Variants in RFX3 observed in about 807,000 individuals in gnomAD.
The protein encoded by RFX3 is transcription factor RFX3.
RFX3 carries 14 observed loss-of-function variants against 98.6 expected under a neutral mutation model. The observed-to-expected ratio is 0.14, with a 90% CI of 0.09 to 0.22. The LOEUF (loss-of-function observed/expected upper bound fraction) is 0.22, where lower values mean the gene tolerates loss of function less well. Among genes scored for constraint, RFX3 ranks in the 10% least tolerant of loss-of-function variants. The pLI is 1.00. For synonymous variants in RFX3, 383 were observed against 328.4 expected, an observed-to-expected ratio of 1.17 and a Z score of -1.80; for missense variants, 639 against 926.9, an observed-to-expected ratio of 0.69 and a Z score of 4.03.
rs189295569 is a variant in RFX3 at position 3,240,154 on chromosome 9, G to C, written c.1968+7878C>G. Among the ~76,000 whole-genome samples, 86 of 152,336 alleles carry C rather than the reference G, an allele frequency of 5.6e-4. No homozygotes were observed. The South Asian group carries it at 0.012, about 21-fold the overall frequency. ...TCTGGTATGGAACTCAGGGGAGACA[G>C]AATTTCAAATCCAAACTCAGCCTTC... On this transcript the variant is annotated intron_variant, in intron 15 of 16. Coordinates refer to ENST00000617270, the MANE Select transcript of RFX3 (RefSeq NM_001282116.2).
At chr9:3,376,776 G>A (rs1838559717) in intron 2 of RFX3, among the ~76,000 whole-genome samples, 1 of 152,080 alleles carries the variant, frequency 6.6e-6, no homozygotes, top group South Asian at 2.1e-4. Flanking sequence ...ATCAAAAAGT[G>A]GGCAAAGGAC....
chr9:3,346,877 T>C, intron 2 of RFX3, 113 bp from the exon 3 acceptor site: 1 of 699,018 alleles, frequency 1.4e-6, no homozygotes, highest in African/African-American at 1.8e-5. Context: ...TGAGAAAGAC[T>C]GATAAGAAAA....
Position 3,301,536 on chromosome 9 carries a change from G to C in RFX3, c.549+10C>G. ...AAGAGATTAGTGTACATGAAGAAGAGGCAACTTACATGGCTGTTGAGAAGA... is the reference window on the plus strand; with the variant it reads ...AAGAGATTAGTGTACATGAAGAAGACGCAACTTACATGGCTGTTGAGAAGA... On this transcript the variant is annotated intron_variant, in intron 5 of 16. Transcript: ENST00000617270. The C allele has an allele frequency of 1.3e-6, 2 of 1,588,942 alleles. No individual in the cohort carries two copies. Among genetic ancestry groups the C allele is most frequent in the Non-Finnish European group, 8.6e-7 (1 of 1,160,912 alleles).
intron 1 of RFX3, among the ~76,000 whole-genome samples, chr9:3,408,601 C>G (rs968328680): frequency 2.6e-5 from 4 of 151,288 alleles, no homozygotes; most frequent in African/African-American, 9.8e-5. Flanking sequence ...CTGTCTCTCT[C>G]TCTCTCTCTC....
At chr9:3,336,525 G>A (rs377032073) in intron 3 of RFX3, among the ~76,000 whole-genome samples, 54 of 152,154 alleles carry the variant, frequency 3.5e-4, no homozygotes, top group African/African-American at 1.2e-3. Context: ...AAGATGAAAA[G>A]GAGTCAGCCC....
chr9:3,331,959 G>T (rs1832652506), intron 3 of RFX3, among the ~76,000 whole-genome samples: 1 of 152,114 alleles, frequency 6.6e-6, no homozygotes, highest in Non-Finnish European at 1.5e-5. Context: ...CGTATGATGA[G>T]ATTCCATTCC....
At chr9:3,322,824 C>T (rs1831465162) in intron 4 of RFX3, among the ~76,000 whole-genome samples, 1 of 152,278 alleles carries the variant, frequency 6.6e-6, no homozygotes, top group South Asian at 2.1e-4. Flanking sequence ...TTATCAAGTA[C>T]ACAATCACAT....
At chr9:3,503,259 G>T (rs1816248274) in intron 1 of RFX3, among the ~76,000 whole-genome samples, 1 of 152,078 alleles carries the variant, frequency 6.6e-6, no homozygotes, top group Non-Finnish European at 1.5e-5. Context: ...GGCCTTTCAG[G>T]ATAGAAACCT....
chr9:3,330,627 C>G, intron 3 of RFX3, 110 bp from the exon 4 acceptor site: 1 of 1,021,894 alleles, frequency 9.8e-7, no homozygotes, highest in Non-Finnish European at 1.4e-6. Context: ...GCCTTTGCAA[C>G]ATGGCAAGTT....
At chr9:3,232,925 C>G (rs1378624838) in intron 15 of RFX3, among the ~76,000 whole-genome samples, 2 of 152,084 alleles carry the variant, frequency 1.3e-5, no homozygotes, top group African/African-American at 4.8e-5. Flanking sequence ...TAAAAGTACT[C>G]TGGAGTTAGA....
chr9:3,254,227 G>T (rs1328431482), intron 14 of RFX3, among the ~76,000 whole-genome samples: 3 of 151,000 alleles, frequency 2.0e-5, no homozygotes, highest in African/African-American at 7.3e-5. Flanking sequence ...CTGTGGAGAT[G>T]AAGGCTCCAG....
At chr9:3,247,261 T>G in intron 15 of RFX3, 3 of 986,746 alleles carry the variant, frequency 3.0e-6, no homozygotes, top group Non-Finnish European at 3.6e-6. Flanking sequence ...CCTTGTTATA[T>G]TCAGAGTTTA....
At chr9:3,480,908 T>C (rs532763086) in intron 1 of RFX3, among the ~76,000 whole-genome samples, 1 of 152,244 alleles carries the variant, frequency 6.6e-6, no homozygotes, top group Non-Finnish European at 1.5e-5. Context: ...GTAAGTATAA[T>C]CAACCTAGCT....
chr9:3,461,944 G>C (rs1847724447), intron 1 of RFX3, among the ~76,000 whole-genome samples: 1 of 151,878 alleles, frequency 6.6e-6, no homozygotes, highest in Non-Finnish European at 1.5e-5. Flanking sequence ...TACATATTAA[G>C]ATATTTCTTA....
In RFX3 at chr9:3,333,435, G is replaced by GTTTT. The variant is rs774597966; in HGVS notation, c.216-2922_216-2919dup. Among the ~76,000 whole-genome samples, 6 of 109,398 alleles carry GTTTT rather than the reference G, an allele frequency of 5.5e-5. No homozygotes were observed. The South Asian group carries it at 8.9e-4, about 16-fold the overall frequency. 71.8% of individuals were successfully genotyped at this position (109,398 alleles called of 152,430 possible). ...TGATAGAAACAAATTCATAGAAAAT[G>GTTTT]TTTTTTTTTTTTTTTTTCCAGATAG... On this transcript the variant is annotated intron_variant, in intron 3 of 16. Transcript: ENST00000617270.
chr9:3,399,065 G>C (rs558021467), intron 1 of RFX3, among the ~76,000 whole-genome samples: 1 of 151,640 alleles, frequency 6.6e-6, no homozygotes, highest in Admixed American at 6.6e-5. Flanking sequence ...CTCCCCACTC[G>C]GGTTTTGTTT....
chr9:3,281,948 ATCCTT>A (rs1318635472), intron 7 of RFX3, among the ~76,000 whole-genome samples: 1 of 151,826 alleles, frequency 6.6e-6, no homozygotes, highest in African/African-American at 2.4e-5. Flanking sequence ...CATTTGGAAA[ATCCTT>A]TCAAAGTGGC....
intron 1 of RFX3, among the ~76,000 whole-genome samples, chr9:3,404,650 T>G (rs896934016): frequency 6.6e-6 from 1 of 152,162 alleles, no homozygotes; most frequent in African/African-American, 2.4e-5. Context: ...CTAGGTTTAT[T>G]ATAATGCTCA....
In RFX3 at chr9:3,378,545, T is replaced by C. The variant is rs540695333; in HGVS notation, c.117+16927A>G. Reference sequence around the variant, plus strand: ...AATTCTAACACTTCTTTCTCATATTTTTTTTCTTTCTTTTTTTTTTTTTTT... The same window carrying C: ...AATTCTAACACTTCTTTCTCATATTCTTTTTCTTTCTTTTTTTTTTTTTTT... On this transcript the variant is annotated intron_variant, in intron 2 of 16. Coordinates refer to ENST00000617270, the MANE Select transcript of RFX3 (RefSeq NM_001282116.2). 2.0e-4 allele frequency among the ~76,000 whole-genome samples: 31 copies of C among 151,412 alleles called. No homozygotes were observed. In the East Asian group the frequency reaches 5.4e-3, roughly 26 times the overall value.
Sources: gnomAD v4.1 joint callset for allele counts (sites outside exome capture counted in the v4.1 genomes callset) on GRCh38, gnomAD v4.1.1 for gene constraint, MANE v1.5 for transcripts, NCBI Gene and HGNC (gene_info 2026-07-23, HGNC 2026-07-21) for gene names.